Variants in ACACB observed in about 807,000 individuals in gnomAD.
ACACB encodes the protein acetyl-CoA carboxylase 2.
In ACACB, 209 loss-of-function variants were observed where a neutral mutation model predicts 278.8. The observed-to-expected ratio is 0.75, with a 90% CI of 0.67 to 0.84. The LOEUF (loss-of-function observed/expected upper bound fraction) is 0.84, where lower values mean the gene tolerates loss of function less well. Ranked by LOEUF, ACACB falls within the 40% of genes least tolerant of loss-of-function variation. ACACB has a pLI of 0.00. For missense variants in ACACB, 2,850 were observed against 3,269.0 expected (o/e 0.87, Z 3.13); for synonymous variants, 1,174 against 1,285.6 (o/e 0.91, Z 1.86).
intron 1 of ACACB, among the ~76,000 whole-genome samples, chr12:109,116,988 C>T (rs2042417664): frequency 1.3e-5 from 2 of 151,596 alleles, no homozygotes; most frequent in South Asian, 4.2e-4. Flanking sequence ...CTGTTTTTTG[C>T]CTCCAAAGCT....
intron 24 of ACACB, among the ~76,000 whole-genome samples, chr12:109,220,954 A>T (rs1244804208): frequency 6.6e-6 from 1 of 152,206 alleles, no homozygotes; most frequent in Non-Finnish European, 1.5e-5. Context: ...GGGGAAATTT[A>T]AAAAATGTTC....
At chr12:109,208,216 CA>C (rs1319504276) in intron 20 of ACACB, among the ~76,000 whole-genome samples, 1 of 141,682 alleles carries the variant, frequency 7.1e-6, no homozygotes, top group Admixed American at 7.1e-5. Context: ...ACCATTGCAA[CA>C]TTTTTTTTTT....
At chr12:109,125,106 G>A (rs2042646338) in intron 1 of ACACB, among the ~76,000 whole-genome samples, 1 of 152,178 alleles carries the variant, frequency 6.6e-6, no homozygotes, top group African/African-American at 2.4e-5. Flanking sequence ...GGTTGATTAT[G>A]TCCTTTTTTT....
At chr12:109,229,278 G>A (rs748597363) in intron 28 of ACACB, among the ~76,000 whole-genome samples, 2 of 151,900 alleles carry the variant, frequency 1.3e-5, no homozygotes, top group Non-Finnish European at 2.9e-5. Context: ...ATCCTCTATC[G>A]GCCAAAAATG....
In ACACB at chr12:109,166,677, ACC is replaced by A. The variant is rs1491309005; in HGVS notation, c.654-183_654-182del. On this transcript the variant is annotated intron_variant, in intron 2 of 52. Coordinates refer to ENST00000338432, the MANE Select transcript of ACACB (RefSeq NM_001093.4). ...AAAAAAAAAAAAAAAAAAAAAAAAAACCGAAGGTGCTTCCTGCCCTTGAGCCT... is the reference window on the plus strand; with the variant it reads ...AAAAAAAAAAAAAAAAAAAAAAAAAAGAAGGTGCTTCCTGCCCTTGAGCCT... Among the ~76,000 whole-genome samples, 510 of 81,032 alleles carry A rather than the reference ACC, an allele frequency of 6.3e-3. 98 individuals carry two copies. The highest frequency in any genetic ancestry group is 9.4e-3 in the Non-Finnish European group (363 of 38,714). 53.2% of individuals were successfully genotyped at this position (81,032 alleles called of 152,430 possible).
Position 109,242,528 on chromosome 12 carries a change from A to G in ACACB, c.5114A>G (p.Lys1705Arg). The G allele has an allele frequency of 6.2e-7, 1 of 1,614,174 alleles. No homozygotes were observed. The highest frequency in any genetic ancestry group is 1.1e-5 in the South Asian group (1 of 91,088). ...GTCACCAAGGATCTGCTCCAGGCCA[A>G]GCGATTCCAGGCCCAGACCCTGGGA... The part of the protein sequence containing the change: ...PYVTKDLLQA[K>R]RFQAQTLGTT... The change falls in exon 37 of 53, where the codon AAG becomes AGG. Residue 1705 changes from lysine (K) to arginine (R), a missense_variant. Transcript: ENST00000338432.
chr12:109,128,752 CT>C (rs202074411), intron 1 of ACACB, among the ~76,000 whole-genome samples: 8,313 of 139,024 alleles, frequency 0.06, 378 homozygotes, highest in East Asian at 0.27. Context: ...TTGTTGCTTT[CT>C]TTTTTTTTTT....
chr12:109,247,759 T>C (rs2046988249), intron 40 of ACACB, 56 bp downstream of exon 40: 2 of 1,402,572 alleles, frequency 1.4e-6, no homozygotes. Flanking sequence ...TTCAGCTGTC[T>C]TCTTTCCTCG....
Position 109,131,871 on chromosome 12 carries a change from C to T in ACACB, c.-9-7526C>T, listed in dbSNP as rs191679557. ...CTTCCCTGCTCATGGAATCAAACTG[C>T]GTGATCGGTGCTCATTCTTGACCAC... On this transcript the variant is annotated intron_variant, in intron 1 of 52. Coordinates refer to ENST00000338432, the MANE Select transcript of ACACB (RefSeq NM_001093.4). Among the ~76,000 whole-genome samples, 46 of 152,300 alleles carry T rather than the reference C, an allele frequency of 3.0e-4. 1 individual carries two copies. Among genetic ancestry groups the T allele is most frequent in the Admixed American group, 2.5e-3 (39 of 15,298 alleles).
chr12:109,251,454 A>G (rs1252029269), intron 41 of ACACB, among the ~76,000 whole-genome samples: 1 of 152,210 alleles, frequency 6.6e-6, no homozygotes, highest in African/African-American at 2.4e-5. Context: ...CAAGTGGAAA[A>G]TGTTGGTCAT....
At position 109,204,578 on chromosome 12, in the gene ACACB, A is replaced by G. The variant is rs1326007424; in HGVS notation, c.2914-2132A>G. Among the ~76,000 whole-genome samples the G allele has an allele frequency of 3.3e-5, 5 of 151,624 alleles. 1 individual carries two copies. Among genetic ancestry groups the G allele is most frequent in the South Asian group, 4.2e-4 (2 of 4,790 alleles). ...GTGTGAGCCACCATGTCCAGCCTCAATACTAGATCTTATTCATTCTATCTA... is the reference window on the plus strand; with the variant it reads ...GTGTGAGCCACCATGTCCAGCCTCAGTACTAGATCTTATTCATTCTATCTA... On this transcript the variant is annotated intron_variant, in intron 19 of 52. Transcript: ENST00000338432.
At chr12:109,227,245 C>T (rs1218208591) in intron 27 of ACACB, 126 bp from the exon 28 acceptor site, 13 of 853,180 alleles carry the variant, frequency 1.5e-5, no homozygotes, top group East Asian at 5.4e-5. Flanking sequence ...CCACTGCACC[C>T]GGCCTGCTTA....
rs1491252356 is a variant in ACACB, at chr12:109,262,983, T to TATATATATATATATATA, written c.6787+514_6787+515insATATATATATATATATA. On this transcript the variant is annotated intron_variant, in intron 49 of 52. Coordinates refer to ENST00000338432, the MANE Select transcript of ACACB (RefSeq NM_001093.4). ...ATATATATATATATATATATATATA[T>TATATATATATATATATA]TGCCATCGTGAATTTATTTCTCAGC... 2.9e-3 allele frequency: 396 copies of TATATATATATATATATA among 134,648 alleles called. 1 individual carries two copies. The highest frequency in any genetic ancestry group is 4.1e-3 in the Non-Finnish European group (258 of 62,382). 8.3% of individuals were successfully genotyped at this position (134,648 alleles called of 1,614,324 possible). A position where few individuals can be genotyped will look rare whatever the true frequency, so the allele number is the denominator to read the frequency against.
chr12:109,193,037 T>A (rs2044951107), intron 15 of ACACB, among the ~76,000 whole-genome samples: 1 of 152,184 alleles, frequency 6.6e-6, no homozygotes, highest in Admixed American at 6.5e-5. Flanking sequence ...GTTTCTTTCA[T>A]AAGCCGAAGG....
chr12:109,155,054 C>G (rs910941590), intron 2 of ACACB: 10 of 152,794 alleles, frequency 6.5e-5, no homozygotes, highest in South Asian at 2.1e-4. Flanking sequence ...ACCCCCACCC[C>G]CATCCAAAGA....
At position 109,191,914 on chromosome 12, in the gene ACACB, G is replaced by A; in HGVS notation, c.2363G>A (p.Arg788Lys). The A allele has an allele frequency of 6.2e-7, 1 of 1,614,196 alleles. No individual in the cohort carries two copies. Among genetic ancestry groups the A allele is most frequent in the Non-Finnish European group, 8.5e-7 (1 of 1,180,038 alleles). Residue 788 changes from arginine (R) to lysine (K), a missense_variant, in exon 15 of 53, where the codon AGA (arginine) becomes AAA (lysine). Around this residue, in one of 3 missense-constraint regions of ACACB, gnomAD observed 2,265 missense variants for 2,561.3 expected, o/e 0.88. Transcript: ENST00000338432. ...GALNVADAMFRTCMTDFLHSL... is the reference protein window; with the variant it reads ...GALNVADAMFKTCMTDFLHSL... The stretch of plus-strand genomic sequence containing the variant: ...TTGAACGTGGCCGATGCGATGTTCA[G>A]AACGTGCATGACAGATTTCTTACAC...
chr12:109,178,795 G>A (rs2044359479), intron 9 of ACACB, among the ~76,000 whole-genome samples: 1 of 152,196 alleles, frequency 6.6e-6, no homozygotes, highest in Admixed American at 6.5e-5. Context: ...GGGGCTGTGA[G>A]GTCATTACGT....
rs760850337 is a variant in ACACB, at chr12:109,266,263, C to T, written c.7278C>T (p.Ala2426=). 15 of 1,613,482 alleles carry T rather than the reference C, an allele frequency of 9.3e-6. No individual in the cohort carries two copies. The highest frequency in any genetic ancestry group is 1.6e-4 in the Middle Eastern group (1 of 6,080). The part of the protein sequence containing the change: ...RGLVEENPEV[A]VDCVIYLSQH... ...TGGTTGAAGAAAACCCCGAGGTGGC[C>T]GTGGACTGTGTGATATACCTGAGCC... Residue 2426 remains alanine, a synonymous_variant, in exon 53 of 53, where the codon GCC becomes GCT. Coordinates refer to ENST00000338432, the MANE Select transcript of ACACB (RefSeq NM_001093.4).
intron 20 of ACACB, among the ~76,000 whole-genome samples, chr12:109,208,325 C>T (rs764542659): frequency 1.3e-5 from 2 of 151,702 alleles, no homozygotes; most frequent in Admixed American, 6.6e-5. Flanking sequence ...AAGCAATCAT[C>T]CCACTTCAGC....
Sources: allele counts gnomAD v4.1 joint callset (sites outside exome capture counted in the v4.1 genomes callset), GRCh38; gene constraint gnomAD v4.1.1; regional missense constraint gnomAD v4.1.1; transcripts MANE v1.5; gene names NCBI Gene and HGNC (gene_info 2026-07-23, HGNC 2026-07-21).